PLEC: variants seen among roughly 807,000 people sequenced by gnomAD.
PLEC encodes hemidesmosomal protein 1.
In PLEC, 216 loss-of-function variants were observed where a neutral mutation model predicts 392.8. The observed-to-expected ratio is 0.55, with a 90% CI of 0.49 to 0.62. The LOEUF is 0.62. Ranked by LOEUF, PLEC falls within the 20% of genes least tolerant of loss-of-function variation. The pLI is 0.00. For synonymous variants in PLEC, 3,621 were observed against 2,980.6 expected (o/e 1.21, Z -7.00); for missense variants, 6,863 against 6,563.4 (o/e 1.05, Z -1.58).
intron 1 of PLEC, among the ~76,000 whole-genome samples, chr8:143,972,924 G>A (rs938536717): frequency 3.9e-5 from 6 of 152,234 alleles, no homozygotes; most frequent in Non-Finnish European, 8.8e-5. Flanking sequence ...GGTGTGGGGG[G>A]GGTGCCCTGC....
chr8:143,932,664 G>A lies in PLEC; in HGVS notation c.1786C>T (p.Arg596Trp), dbSNP rs556691235. 14 of 1,610,562 alleles carry A rather than the reference G, an allele frequency of 8.7e-6. No individual in the cohort carries two copies. The East Asian group carries it at 8.9e-5, about 10-fold the overall frequency. Residue 596 changes from arginine to tryptophan, a missense_variant, in exon 15 of 32, where the codon CGG (arginine) becomes TGG (tryptophan). By Grantham distance (101) the Arg-to-Trp change is moderately radical. Transcript: ENST00000345136. Reference sequence around the variant, plus strand: ...AGCTTGGCGTACTGCAGGTCCAGCCGACCCAGGCAGTCACGGTAGGCACCC... The same window carrying A: ...AGCTTGGCGTACTGCAGGTCCAGCCAACCCAGGCAGTCACGGTAGGCACCC... The part of the protein sequence containing the change: ...TRGAYRDCLG[R>W]LDLQYAKLLN...
intron 1 of PLEC, chr8:143,946,239 A>C (rs1005539219): frequency 3.9e-6 from 3 of 762,268 alleles, no homozygotes; most frequent in Non-Finnish European, 5.7e-6. Context: ...CTATCCCTGC[A>C]TCCCAGGTCT....
At chr8:143,930,623 T>A in intron 19 of PLEC, 87 bp from the exon 20 acceptor site, 1 of 1,406,678 alleles carries the variant, frequency 7.1e-7, no homozygotes, top group Non-Finnish European at 9.7e-7. Flanking sequence ...ACCAGGCCTG[T>A]GGGGCCCTCC....
chr8:143,950,686 C>T, exon 1 of PLEC: 1 of 1,568,944 alleles, frequency 6.4e-7, no homozygotes, highest in African/African-American at 1.3e-5. Flanking sequence ...GGTCCCGTGG[C>T]ATGAGCATGC....
Position 143,936,164 on chromosome 8 carries a change from G to C in PLEC, c.436-150C>G. 5.9e-6 allele frequency: 5 copies of C among 851,030 alleles called. No homozygotes were observed. In the South Asian group the frequency reaches 7.4e-5, roughly 13 times the overall value. 52.7% of individuals were successfully genotyped at this position (851,030 alleles called of 1,614,324 possible). A position where few individuals can be genotyped will look rare whatever the true frequency, so the allele number is the denominator to read the frequency against. On this transcript the variant is annotated intron_variant, in intron 5 of 31. Transcript: ENST00000345136. ...CAGCCAGGGCAGCACCGGGCTCCAGGGCCCTTCCCTGTTGGGAAGCTGCTG... is the reference window on the plus strand; with the variant it reads ...CAGCCAGGGCAGCACCGGGCTCCAGCGCCCTTCCCTGTTGGGAAGCTGCTG...
intron 1 of PLEC, among the ~76,000 whole-genome samples, chr8:143,967,295 G>A (rs1007156394): frequency 7.3e-5 from 11 of 150,168 alleles, no homozygotes; most frequent in East Asian, 2.0e-4. Flanking sequence ...CCCGGGAGGC[G>A]GAGGTTGCAG....
At position 143,920,796 on chromosome 8, in the gene PLEC, C is replaced by T. The variant is rs1554683010; in HGVS notation, c.9025G>A (p.Asp3009Asn). The T allele has an allele frequency of 6.2e-7, 1 of 1,607,750 alleles. No homozygotes were observed. The highest frequency in any genetic ancestry group is 2.2e-5 in the East Asian group (1 of 44,872). Residue 3009 changes from aspartate to asparagine, a missense_variant, in exon 32 of 32, where the codon GAC becomes AAC. Asp to Asn is a conservative substitution (Grantham distance 23). Coordinates refer to ENST00000345136, the MANE Select transcript of PLEC (RefSeq NM_201384.3). ...CGCACAGTGTCCACCTCGGCTACGT[C>T]TCGCACAGAGCGCTCACCTCGCTGC... Reference protein sequence around the residue: ...QLQRGERSVRDVAEVDTVRRA... With the variant: ...QLQRGERSVRNVAEVDTVRRA...
chr8:143,962,360 C>T (rs1031814521), intron 1 of PLEC, among the ~76,000 whole-genome samples: 12 of 152,186 alleles, frequency 7.9e-5, no homozygotes, highest in African/African-American at 2.4e-4. Flanking sequence ...GTGGACCTGC[C>T]GACACCGGAT....
rs782508417 is a variant in PLEC, at chr8:143,920,886, T to C, written c.8935A>G (p.Ser2979Gly). ...AGCAGCTCGGCGGCTGGCACCAGGC[T>C]GCGCAGGCCCTCAAAGCAAAGCCGG... Reference protein sequence around the residue: ...KGRLCFEGLRSLVPAAELLES... With the variant: ...KGRLCFEGLRGLVPAAELLES... Residue 2979 changes from serine to glycine, a missense_variant, in exon 32 of 32, where the codon AGC (serine) becomes GGC (glycine). By Grantham distance (56) the Ser-to-Gly change is moderately conservative (BLOSUM62 0). Transcript: ENST00000345136. The C allele has an allele frequency of 1.9e-6, 3 of 1,611,514 alleles. No individual in the cohort carries two copies. Among genetic ancestry groups the C allele is most frequent in the East Asian group, 4.5e-5 (2 of 44,848 alleles).
chr8:143,916,995 C>G lies in PLEC; in HGVS notation c.12826G>C (p.Glu4276Gln). ...QLASWSDPTE[E>Q]TGPVAGILDT... ...AGGATGCCAGCCACGGGGCCCGTCT[C>G]CTCAGTGGGGTCTGACCAGGAGGCC... The change falls in exon 32 of 32, where the codon GAG becomes CAG. Residue 4276 changes from glutamate to glutamine, a missense_variant. Coordinates refer to ENST00000345136, the MANE Select transcript of PLEC (RefSeq NM_201384.3). 6.2e-7 allele frequency: 1 copy of G among 1,612,868 alleles called. No homozygotes were observed. Among genetic ancestry groups the G allele is most frequent in the Non-Finnish European group, 8.5e-7 (1 of 1,179,984 alleles).
chr8:143,932,331 C>T (rs1199558743), intron 16 of PLEC, 69 bp downstream of exon 16: 41 of 1,609,048 alleles, frequency 2.5e-5, no homozygotes, highest in Admixed American at 3.3e-5. Flanking sequence ...GGTCTCTGAC[C>T]ATAGGGGACG....
In PLEC at chr8:143,929,857, C is replaced by T. The variant is rs541259886; in HGVS notation, c.2740-28G>A. The T allele has an allele frequency of 8.8e-5, 140 of 1,599,884 alleles. No individual in the cohort carries two copies. In the Admixed American group the frequency reaches 1.0e-3, roughly 12 times the overall value. Reference sequence around the variant, plus strand: ...GGGGGAAGCACGTGGGGCTGAGTGCCGGGCGAGGCGGCCGTGCCCTGCACA... The same window carrying T: ...GGGGGAAGCACGTGGGGCTGAGTGCTGGGCGAGGCGGCCGTGCCCTGCACA... On this transcript the variant is annotated intron_variant, in intron 22 of 31. Coordinates refer to ENST00000345136, the MANE Select transcript of PLEC (RefSeq NM_201384.3).
Position 143,923,911 on chromosome 8 carries a change from C to G in PLEC, c.6018G>C (p.Ala2006=). Residue 2006 remains alanine, a synonymous_variant, in exon 31 of 32, where the codon GCG becomes GCC. Transcript: ENST00000345136. The part of the protein sequence containing the change: ...AEEEAARQRK[A]ALEEVERLKA... ...TCAGCCGCTCGACTTCCTCCAGCGC[C>G]GCCTTCCGCTGCCGTGCGGCCTCCT... The G allele has an allele frequency of 6.3e-7, 1 of 1,595,168 alleles. No individual in the cohort carries two copies. Among genetic ancestry groups the G allele is most frequent in the South Asian group, 1.1e-5 (1 of 90,788 alleles).
upstream of PLEC, among the ~76,000 whole-genome samples, chr8:143,975,900 T>C (rs887513804): frequency 1.3e-5 from 2 of 152,094 alleles, no homozygotes; most frequent in Middle Eastern, 6.8e-3. This position sits in a 1 kb window ranked among gnomAD's most constrained non-coding sequence, Gnocchi z 9.9. Context: ...AACCCTCTAA[T>C]CGCAGGCAGG....
chr8:143,939,147 G>T lies in PLEC; in HGVS notation c.112+203C>A, dbSNP rs11784501. On this transcript the variant is annotated intron_variant, in intron 1 of 31. Transcript: ENST00000345136. ...CAGAGTTCCTCGCCCTTCCAGGCCCGACATCTGACGCTCGGAGGCCCCCGT... is the reference window on the plus strand; with the variant it reads ...CAGAGTTCCTCGCCCTTCCAGGCCCTACATCTGACGCTCGGAGGCCCCCGT... Among the ~76,000 whole-genome samples, 47,116 of 152,124 alleles carry T rather than the reference G, an allele frequency of 0.31. 8,318 individuals carry two copies. Among genetic ancestry groups the T allele is most frequent in the Non-Finnish European group, 0.4 (26,962 of 67,920 alleles).
chr8:143,938,437 G>T lies in PLEC; in HGVS notation c.174+194C>A, dbSNP rs575191853. 341 of 1,539,816 alleles carry T rather than the reference G, an allele frequency of 2.2e-4. 2 individuals are homozygous for T. In the East Asian group the frequency reaches 8.1e-3, roughly 37 times the overall value. ...AGTGCTGCAAGGAGAGACCAGGAAAGACCAGAAGGAAGAGGAGGAAGAGAG... is the reference window on the plus strand; with the variant it reads ...AGTGCTGCAAGGAGAGACCAGGAAATACCAGAAGGAAGAGGAGGAAGAGAG... On this transcript the variant is annotated intron_variant, in intron 2 of 31. Transcript: ENST00000345136.
rs1193158534 is a variant in PLEC, at chr8:143,927,753, T to C, written c.3413A>G (p.Gln1138Arg). The change falls in exon 27 of 32, where the codon CAG becomes CGG. Residue 1138 changes from glutamine (Q) to arginine (R), a missense_variant. Gln to Arg is a conservative substitution (Grantham distance 43). Coordinates refer to ENST00000345136, the MANE Select transcript of PLEC (RefSeq NM_201384.3). ...TKASLKKLRA[Q>R]AEAQQPTFDA... ...GAACGTGGGCTGCTGTGCCTCGGCC[T>C]GGGCCCGCAGCTTCTGTTGGGGACA... The C allele has an allele frequency of 3.7e-6, 6 of 1,600,026 alleles. No homozygotes were observed. The African/African-American group carries it at 6.7e-5, about 18-fold the overall frequency.
chr8:143,928,027 G>C, intron 25 of PLEC, 35 bp from the exon 26 acceptor site: 2 of 1,566,700 alleles, frequency 1.3e-6, no homozygotes, highest in Non-Finnish European at 1.7e-6. Context: ...CCATGACATG[G>C]GGCTCGAGCA....
chr8:143,937,383 C>G, intron 3 of PLEC, 141 bp from the exon 4 acceptor site: 1 of 693,492 alleles, frequency 1.4e-6, no homozygotes, highest in Admixed American at 2.2e-5. Flanking sequence ...TCACCCTCCC[C>G]CGCAGGGAAA....
Sources: gnomAD v4.1 joint callset for allele counts (sites outside exome capture counted in the v4.1 genomes callset) on GRCh38, gnomAD v4.1.1 for gene constraint, Gnocchi (gnomAD v3.1) non-coding constraint, MANE v1.5 for transcripts, NCBI Gene and HGNC (gene_info 2026-07-23, HGNC 2026-07-21) for gene names.